Variants in RYR2 observed in about 807,000 individuals in gnomAD.
RYR2 encodes the protein cardiac muscle ryanodine receptor-calcium release channel.
In RYR2, 227 loss-of-function variants were observed where a neutral mutation model predicts 601.1. That is an observed-to-expected ratio of 0.38 (90% CI 0.34 to 0.42). The LOEUF (loss-of-function observed/expected upper bound fraction) is 0.42, where lower values mean the gene tolerates loss of function less well. Among genes scored for constraint, RYR2 ranks in the 10% least tolerant of loss-of-function variants. The pLI, the probability that RYR2 is intolerant of heterozygous loss-of-function variation, is 1.00. For missense variants in RYR2, 4,646 were observed against 6,156.5 expected (o/e 0.75, Z 8.21); for synonymous variants, 2,223 against 2,175.1 (o/e 1.02, Z -0.61).
chr1:237,511,348 G>C (rs1665880882), intron 23 of RYR2, among the ~76,000 whole-genome samples: 2 of 144,034 alleles, frequency 1.4e-5, no homozygotes, highest in South Asian at 4.6e-4. Context: ...GTCCTAATTA[G>C]ACAAGTGGGC....
intron 24 of RYR2, among the ~76,000 whole-genome samples, chr1:237,521,562 T>G (rs1291461621): frequency 6.6e-6 from 1 of 151,408 alleles, no homozygotes; most frequent in Non-Finnish European, 1.5e-5. Context: ...TCTACTAAAA[T>G]TATAAAAATT....
At chr1:237,766,686 G>T (rs545079738) in intron 84 of RYR2, among the ~76,000 whole-genome samples, 60 of 152,300 alleles carry the variant, frequency 3.9e-4, no homozygotes, top group Non-Finnish European at 8.2e-4. Flanking sequence ...AGAAGCTTAG[G>T]CTTTGGCTAT....
At chr1:237,151,968 C>T (rs1674747736) in intron 1 of RYR2, among the ~76,000 whole-genome samples, 1 of 152,044 alleles carries the variant, frequency 6.6e-6, no homozygotes, top group African/African-American at 2.4e-5. Context: ...GTATTAAGAC[C>T]CACATGCATT....
At chr1:237,156,473 A>G (rs1675344338) in intron 1 of RYR2, among the ~76,000 whole-genome samples, 1 of 152,212 alleles carries the variant, frequency 6.6e-6, no homozygotes, top group African/African-American at 2.4e-5. Context: ...ATTTTGCTTG[A>G]TTCAATGTTC....
At chr1:237,828,218 C>T (rs966497357) in intron 101 of RYR2, among the ~76,000 whole-genome samples, 163 bp from the exon 102 acceptor site, 4 of 152,112 alleles carry the variant, frequency 2.6e-5, no homozygotes, top group Non-Finnish European at 5.9e-5. Flanking sequence ...GACAGAACAC[C>T]GCCTCCTTTC....
intron 17 of RYR2, among the ~76,000 whole-genome samples, chr1:237,487,950 G>GTTA (rs1662879769): frequency 1.3e-5 from 2 of 151,986 alleles, no homozygotes; most frequent in Non-Finnish European, 1.5e-5. Flanking sequence ...CTGTTTTAAT[G>GTTA]TTAAACCCCA....
At chr1:237,336,344 C>T (rs921638166) in intron 3 of RYR2, among the ~76,000 whole-genome samples, 5 of 152,160 alleles carry the variant, frequency 3.3e-5, no homozygotes, top group Admixed American at 6.5e-5. Flanking sequence ...CAATCCAAAA[C>T]ATGTCCAGAG....
intron 1 of RYR2, among the ~76,000 whole-genome samples, chr1:237,206,088 G>T (rs1250348905): frequency 6.6e-6 from 1 of 152,206 alleles, no homozygotes; most frequent in Non-Finnish European, 1.5e-5. Context: ...ACTTCAAGAG[G>T]CAGAAGCCGG....
intron 100 of RYR2, among the ~76,000 whole-genome samples, chr1:237,812,949 T>C (rs2149459791): frequency 6.6e-6 from 1 of 151,644 alleles, no homozygotes; most frequent in African/African-American, 2.4e-5. Context: ...TTCAATGCAA[T>C]AAGACTGACC....
chr1:237,124,767 C>CT (rs1041970227), intron 1 of RYR2, among the ~76,000 whole-genome samples: 6 of 151,270 alleles, frequency 4.0e-5, no homozygotes, highest in East Asian at 2.0e-4. Context: ...GATGTGGGCC[C>CT]TTTTTTTTGG....
chr1:237,250,178 C>T (rs1203805651), intron 1 of RYR2, among the ~76,000 whole-genome samples: 1 of 152,260 alleles, frequency 6.6e-6, no homozygotes, highest in African/African-American at 2.4e-5. Flanking sequence ...GACGGGCACA[C>T]TGCTCCCAGC....
intron 2 of RYR2, among the ~76,000 whole-genome samples, chr1:237,288,792 C>T (rs551395706): frequency 6.6e-6 from 1 of 152,226 alleles, no homozygotes; most frequent in East Asian, 1.9e-4. Context: ...GGAGTCTGGA[C>T]ACTAGATTTG....
At chr1:237,377,187 C>T in intron 7 of RYR2, 136 bp from the exon 8 acceptor site, 1 of 568,516 alleles carries the variant, frequency 1.8e-6, no homozygotes, top group Non-Finnish European at 3.0e-6. Flanking sequence ...TTAATTCTTT[C>T]TCTTTTCATG....
intron 1 of RYR2, among the ~76,000 whole-genome samples, chr1:237,243,168 A>G (rs866692638): frequency 2.0e-5 from 3 of 152,110 alleles, no homozygotes; most frequent in South Asian, 2.1e-4. Context: ...CCCATACACC[A>G]AGCATGAACC....
chr1:237,707,261 G>A lies in RYR2; in HGVS notation c.9893G>A (p.Arg3298Lys). The A allele has an allele frequency of 6.6e-7, 1 of 1,505,722 alleles. No individual in the cohort carries two copies. Among genetic ancestry groups the A allele is most frequent in the South Asian group, 1.4e-5 (1 of 73,592 alleles). The allele number at this position is 1,505,722 out of a possible 1,614,324, so 93.3% of individuals were successfully genotyped here. A position where few individuals can be genotyped will look rare whatever the true frequency, so the allele number is the denominator to read the frequency against. The change falls in exon 68 of 105, where the codon AGG becomes AAG. Residue 3298 changes from arginine (R) to lysine (K), a missense_variant. Around this residue, in one of 17 missense-constraint regions of RYR2, gnomAD observed 1,497 missense variants for 1,842.6 expected, o/e 0.81. Transcript: ENST00000366574. The stretch of plus-strand genomic sequence containing the variant: ...ATTGATGAGGGAGCCTGGATGAAGA[G>A]GCTAGCAGGTAAGAACTGGAAGAAG... ...LGIDEGAWMKRLAVFSQPIIN... is the reference protein window; with the variant it reads ...LGIDEGAWMKKLAVFSQPIIN...
chr1:237,469,060 C>T, intron 16 of RYR2, 32 bp from the exon 17 acceptor site: 1 of 1,576,968 alleles, frequency 6.3e-7, no homozygotes. Context: ...TAGAAAATCA[C>T]ATAAAGGTGA....
Position 237,617,423 on chromosome 1 carries a change from A to G in RYR2, c.5853A>G (p.Leu1951=), listed in dbSNP as rs532817171. 2 of 1,614,024 alleles carry G rather than the reference A, an allele frequency of 1.2e-6. No homozygotes were observed. The highest frequency in any genetic ancestry group is 1.3e-5 in the African/African-American group (1 of 75,062). The change falls in exon 38 of 105, where the codon TTA becomes TTG. Residue 1951 remains leucine, a synonymous_variant. Coordinates refer to ENST00000366574, the MANE Select transcript of RYR2 (RefSeq NM_001035.3). ...RFRYNEVMQA[L]NMSAALTARK... ...GATACAACGAAGTCATGCAAGCCTTAAACATGTCAGCTGCACTCACAGCCA... is the reference window on the plus strand; with the variant it reads ...GATACAACGAAGTCATGCAAGCCTTGAACATGTCAGCTGCACTCACAGCCA...
chr1:237,622,120 A>G (rs534519159), intron 38 of RYR2, among the ~76,000 whole-genome samples: 34 of 151,992 alleles, frequency 2.2e-4, no homozygotes, highest in African/African-American at 7.7e-4. Context: ...ACGTTTAGGG[A>G]AAAAAAATCA....
intron 23 of RYR2, among the ~76,000 whole-genome samples, chr1:237,509,263 G>A (rs1665636480): frequency 6.6e-6 from 1 of 152,092 alleles, no homozygotes; most frequent in Non-Finnish European, 1.5e-5. Flanking sequence ...TTTGCAGTCT[G>A]CTTCTTTTCC....
Sources: allele counts gnomAD v4.1 joint callset (sites outside exome capture counted in the v4.1 genomes callset), GRCh38; gene constraint gnomAD v4.1.1; regional missense constraint gnomAD v4.1.1; transcripts MANE v1.5; gene names NCBI Gene and HGNC (gene_info 2026-07-23, HGNC 2026-07-21).